The following SLC35F1 variants were observed in gnomAD, a reference collection of about 807,000 sequenced individuals.
SLC35F1 encodes the protein solute carrier family 35 member F1, also known as chromosome 6 open reading frame 169.
SLC35F1 carries 14 observed loss-of-function variants against 48.7 expected under a neutral mutation model. The ratio of observed to expected loss-of-function variants is 0.29; its 90% confidence interval spans 0.19 to 0.45. SLC35F1 has a LOEUF of 0.45. Among genes scored for constraint, SLC35F1 ranks in the 20% least tolerant of loss-of-function variants. SLC35F1 has a pLI of 1.00. For synonymous variants in SLC35F1, 190 were observed against 202.2 expected (o/e 0.94, Z 0.51); for missense variants, 404 against 500.0 (o/e 0.81, Z 1.83).
At chr6:117,966,622 C>T (rs143387452) in intron 1 of SLC35F1, among the ~76,000 whole-genome samples, 1 of 152,296 alleles carries the variant, frequency 6.6e-6, no homozygotes, top group African/African-American at 2.4e-5. Flanking sequence ...TTGAAGTCAG[C>T]GAGACCAAGA....
intron 1 of SLC35F1, among the ~76,000 whole-genome samples, chr6:117,931,903 G>C (rs1223166477): frequency 6.6e-6 from 1 of 152,120 alleles, no homozygotes; most frequent in Admixed American, 6.5e-5. Context: ...TGCTATAGTT[G>C]CCTAATACAT....
chr6:118,031,870 C>T (rs1772059872), intron 1 of SLC35F1, among the ~76,000 whole-genome samples: 1 of 152,186 alleles, frequency 6.6e-6, no homozygotes, highest in Admixed American at 6.5e-5. Flanking sequence ...CAGGTGTTGC[C>T]GTGGCAATGG....
intron 4 of SLC35F1, among the ~76,000 whole-genome samples, chr6:118,272,737 G>GTGTATA (rs201515909): frequency 4.2e-5 from 5 of 120,252 alleles, no homozygotes; most frequent in African/African-American, 1.6e-4. Flanking sequence ...ATATGTGTGT[G>GTGTATA]TATATATATA....
At chr6:118,140,227 A>G (rs917174436) in intron 1 of SLC35F1, among the ~76,000 whole-genome samples, 1 of 152,206 alleles carries the variant, frequency 6.6e-6, no homozygotes, top group Non-Finnish European at 1.5e-5. Context: ...GGATAAAATG[A>G]AGGAAGTTGC....
At chr6:118,311,487 C>T (rs1219278509) in intron 7 of SLC35F1, among the ~76,000 whole-genome samples, 3 of 152,166 alleles carry the variant, frequency 2.0e-5, no homozygotes, top group Non-Finnish European at 4.4e-5. Flanking sequence ...AATCAGGAGA[C>T]TATTGAAAAA....
intron 1 of SLC35F1, among the ~76,000 whole-genome samples, chr6:118,113,075 A>T (rs1377732396): frequency 2.0e-5 from 3 of 152,108 alleles, no homozygotes; most frequent in Admixed American, 6.6e-5. Context: ...GATGACATTT[A>T]AAAAAATTTT....
intron 1 of SLC35F1, among the ~76,000 whole-genome samples, chr6:118,037,376 T>A (rs1384324888): frequency 6.6e-6 from 1 of 152,090 alleles, no homozygotes; most frequent in Non-Finnish European, 1.5e-5. Flanking sequence ...ATTTTTATCA[T>A]TTTTTTATCT....
rs1384848204 is a variant in SLC35F1, at chr6:118,173,401, AAC to A, written c.349+18783_349+18784del. Among the ~76,000 whole-genome samples, 116 of 146,756 alleles carry A rather than the reference AAC, an allele frequency of 7.9e-4. 1 individual carries two copies. Among genetic ancestry groups the A allele is most frequent in the African/African-American group, 2.8e-3 (111 of 40,022 alleles). On this transcript the variant is annotated intron_variant, in intron 2 of 7. Coordinates refer to ENST00000360388, the MANE Select transcript of SLC35F1 (RefSeq NM_001029858.4). ...AGAGTTAGTTAAAAAAAAAACAAAA[AAC>A]AAAAAAAAAACAGCCAAAACTTTAG...
intron 1 of SLC35F1, among the ~76,000 whole-genome samples, chr6:118,132,345 T>TG (rs1433652983): frequency 6.6e-6 from 1 of 152,192 alleles, no homozygotes; most frequent in Admixed American, 6.5e-5. Flanking sequence ...AGGTGGTATG[T>TG]GTATTTGTGG....
intron 2 of SLC35F1, among the ~76,000 whole-genome samples, chr6:118,206,916 T>C (rs1774943488): frequency 6.6e-6 from 1 of 152,200 alleles, no homozygotes; most frequent in Non-Finnish European, 1.5e-5. Flanking sequence ...CAGAAGCTAA[T>C]ACTCTGAACA....
intron 1 of SLC35F1, among the ~76,000 whole-genome samples, chr6:118,095,107 G>A (rs1358057166): frequency 6.6e-6 from 1 of 152,218 alleles, no homozygotes; most frequent in Non-Finnish European, 1.5e-5. Flanking sequence ...ACTCTAGCCT[G>A]GGCAATGGAG....
At chr6:118,304,147 A>T (rs1001007808) in intron 7 of SLC35F1, among the ~76,000 whole-genome samples, 1 of 152,226 alleles carries the variant, frequency 6.6e-6, no homozygotes, top group African/African-American at 2.4e-5. Flanking sequence ...GATTTGTGCC[A>T]ATGCAGAGTA....
chr6:118,247,083 A>G (rs573966168), intron 3 of SLC35F1, among the ~76,000 whole-genome samples: 53 of 152,342 alleles, frequency 3.5e-4, no homozygotes, highest in African/African-American at 1.1e-3. Flanking sequence ...CTTTCCATCA[A>G]TCCAATTTAA....
intron 2 of SLC35F1, among the ~76,000 whole-genome samples, chr6:118,172,217 T>C (rs1441365293): frequency 2.0e-5 from 3 of 152,110 alleles, no homozygotes; most frequent in African/African-American, 7.2e-5. Context: ...GGGATAACCC[T>C]TGGACATCTT....
intron 1 of SLC35F1, among the ~76,000 whole-genome samples, chr6:118,014,863 A>G (rs778677974): frequency 6.6e-6 from 1 of 152,206 alleles, no homozygotes; most frequent in African/African-American, 2.4e-5. Context: ...AGGCTCACCT[A>G]TATGGGCTGG....
At chr6:118,170,562 C>T (rs978433365) in intron 2 of SLC35F1, among the ~76,000 whole-genome samples, 2 of 152,124 alleles carry the variant, frequency 1.3e-5, no homozygotes, top group African/African-American at 4.8e-5. Context: ...GCCTCAGCCT[C>T]CCAAGTAGCT....
intron 2 of SLC35F1, among the ~76,000 whole-genome samples, chr6:118,164,533 T>G (rs1346381452): frequency 6.6e-6 from 1 of 152,212 alleles, no homozygotes; most frequent in Non-Finnish European, 1.5e-5. Context: ...ATTTCATCAT[T>G]TCATAAGTCA....
intron 1 of SLC35F1, among the ~76,000 whole-genome samples, chr6:118,062,624 T>A (rs1051245353): frequency 3.7e-4 from 57 of 152,208 alleles, no homozygotes; most frequent in Non-Finnish European, 7.2e-4. Flanking sequence ...CCTTTTTGTT[T>A]TTCTAATAAG....
rs1554243254 is a variant in SLC35F1 at position 118,272,767 on chromosome 6, A to ATATG, written c.638-2689_638-2688insGTAT. Among the ~76,000 whole-genome samples the ATATG allele has an allele frequency of 4.6e-4, 63 of 136,060 alleles. 1 individual carries two copies. The highest frequency in any genetic ancestry group is 1.7e-3 in the African/African-American group (58 of 34,326). The allele number at this position is 136,060 out of a possible 152,430, so 89.3% of individuals were successfully genotyped here. The stretch of plus-strand genomic sequence containing the variant: ...TATATATACATATATATATATATGT[A>ATATG]TATATATATACCATTTTTTAGCATA... On this transcript the variant is annotated intron_variant, in intron 4 of 7. Transcript: ENST00000360388.
Sources: allele counts gnomAD v4.1 joint callset (sites outside exome capture counted in the v4.1 genomes callset), GRCh38; gene constraint gnomAD v4.1.1; transcripts MANE v1.5; gene names NCBI Gene and HGNC (gene_info 2026-07-23, HGNC 2026-07-21).